The following PPIE variants were observed in gnomAD, a reference collection of about 807,000 sequenced individuals.
PPIE encodes the protein peptidyl-prolyl cis-trans isomerase E.
In PPIE, 20 loss-of-function variants were observed where a neutral mutation model predicts 38.4. That is an observed-to-expected ratio of 0.52 (90% confidence interval 0.37 to 0.76). The LOEUF is 0.76. Ranked by LOEUF, PPIE falls within the 30% of genes least tolerant of loss-of-function variation. The probability of loss-of-function intolerance (pLI) is 0.00; values close to 1 mark genes in which losing one functional copy is unlikely to be tolerated. For synonymous variants in PPIE, 142 were observed against 135.7 expected (o/e 1.05, Z -0.32); for missense variants, 322 against 385.8 (o/e 0.83, Z 1.39).
In PPIE at chr1:39,755,687, C is replaced by T; in HGVS notation, c.*2332C>T. The T allele has an allele frequency of 1.0e-6, 1 of 985,408 alleles. No homozygotes were observed. The highest frequency in any genetic ancestry group is 1.2e-6 in the Non-Finnish European group (1 of 829,932). 61.0% of individuals were successfully genotyped at this position (985,408 alleles called of 1,614,324 possible). On this transcript the variant is annotated 3_prime_UTR_variant, in exon 10 of 10. Coordinates refer to ENST00000324379, the MANE Select transcript of PPIE (RefSeq NM_006112.4). Reference sequence around the variant, plus strand: ...CTGTGACAACCTTGTCACTCTGTTCCTCCCTGATACTCTGGGGAGGTGGAG... The same window carrying T: ...CTGTGACAACCTTGTCACTCTGTTCTTCCCTGATACTCTGGGGAGGTGGAG...
Position 39,755,908 on chromosome 1 carries a change from C to A in PPIE, c.*2553C>A, listed in dbSNP as rs879226680. The A allele has an allele frequency of 6.1e-5, 60 of 985,430 alleles. No homozygotes were observed. Among genetic ancestry groups the A allele is most frequent in the East Asian group, 1.1e-4 (1 of 8,810 alleles). The allele number at this position is 985,430 out of a possible 1,614,324, so 61.0% of individuals were successfully genotyped here. A position where few individuals can be genotyped will look rare whatever the true frequency, so the allele number is the denominator to read the frequency against. On this transcript the variant is annotated 3_prime_UTR_variant, in exon 10 of 10. Transcript: ENST00000324379. ...GCAGAGCTGGGATTAGAAGCCCAGC[C>A]TGTCTCTCTTCAGTAGTAATGGAGT... is the stretch of plus-strand genomic sequence containing the variant.
intron 2 of PPIE, 57 bp from the exon 3 acceptor site, chr1:39,741,309 T>A: frequency 6.5e-7 from 1 of 1,528,168 alleles, no homozygotes; most frequent in Non-Finnish European, 9.1e-7. Flanking sequence ...GTGACCATCC[T>A]GTTTCTTCCC....
downstream of PPIE, chr1:39,758,936 G>T (rs969129986): frequency 5.3e-5 from 8 of 152,288 alleles, no homozygotes; most frequent in African/African-American, 1.9e-4. Context: ...CTCCCTGGGG[G>T]TGCAGCACGT....
Position 39,754,522 on chromosome 1 carries a change from T to C in PPIE, c.*1167T>C, listed in dbSNP as rs951762283. Among the ~76,000 whole-genome samples the C allele has an allele frequency of 8.5e-5, 13 of 152,330 alleles. No individual in the cohort carries two copies. The highest frequency in any genetic ancestry group is 8.3e-4 in the South Asian group (4 of 4,832). On this transcript the variant is annotated 3_prime_UTR_variant, in exon 10 of 10. Coordinates refer to ENST00000324379, the MANE Select transcript of PPIE (RefSeq NM_006112.4). ...GATTGGATGAGGCCTACCCACATTA[T>C]GGAGGGTAATCTGCTTTACTCTCTA...
chr1:39,741,741 G>T, intron 3 of PPIE, 154 bp from the exon 4 acceptor site: 2 of 785,520 alleles, frequency 2.5e-6, no homozygotes, highest in South Asian at 3.5e-5. Context: ...TCTAAAATCA[G>T]CCAGGAAGTG....
intron 9 of PPIE, among the ~76,000 whole-genome samples, chr1:39,763,386 C>CCCCTCCCCAGCCGGCCCTCCCCAGCTGG (rs751592521): frequency 7.3e-6 from 1 of 137,340 alleles, no homozygotes. Context: ...CACTTTGCGT[C>CCCCTCCCCAGCCGGCCCTCCCCAGCTGG]CCCTCCCCAG....
In PPIE at chr1:39,753,831, G is replaced by T. The variant is rs960730302; in HGVS notation, c.*476G>T. On this transcript the variant is annotated 3_prime_UTR_variant, in exon 10 of 10. Coordinates refer to ENST00000324379, the MANE Select transcript of PPIE (RefSeq NM_006112.4). ...CAGCTTTCATTTCCTCCCTTGGGCC[G>T]ATCCCCTTAGATGTCAGGTGATGTA... 6 of 991,368 alleles carry T rather than the reference G, an allele frequency of 6.1e-6. No homozygotes were observed. Among genetic ancestry groups the T allele is most frequent in the Admixed American group, 5.8e-5 (1 of 17,336 alleles). The allele number at this position is 991,368 out of a possible 1,614,324, so 61.4% of individuals were successfully genotyped here.
At chr1:39,762,319 G>A (rs1649103761) in intron 9 of PPIE, 1 of 589,196 alleles carries the variant, frequency 1.7e-6, no homozygotes, top group East Asian at 3.3e-5. Flanking sequence ...CGATTACAGG[G>A]TGAGCCACCG....
chr1:39,740,889 T>C (rs1447344614), intron 2 of PPIE, among the ~76,000 whole-genome samples: 2 of 152,232 alleles, frequency 1.3e-5, no homozygotes, highest in Non-Finnish European at 2.9e-5. Flanking sequence ...AAGGGCCTTC[T>C]AGTCTCTGAG....
chr1:39,740,341 A>G, intron 2 of PPIE, 78 bp downstream of exon 2: 1 of 1,144,388 alleles, frequency 8.7e-7, no homozygotes, highest in Non-Finnish European at 1.3e-6. Context: ...TCACAATTCT[A>G]AATATGCATT....
chr1:39,743,615 T>G (rs1449329761), intron 5 of PPIE, among the ~76,000 whole-genome samples: 1 of 152,182 alleles, frequency 6.6e-6, no homozygotes, highest in Admixed American at 6.5e-5. Context: ...ACCTTTGCTT[T>G]CGGCATAGCT....
chr1:39,743,143 AAGT>A, intron 4 of PPIE, 70 bp from the exon 5 acceptor site: 1 of 1,301,260 alleles, frequency 7.7e-7, no homozygotes, highest in Admixed American at 1.7e-5. Context: ...TGTGTCTCAG[AAGT>A]ATATGGAAAG....
In PPIE at chr1:39,763,416, G is replaced by A. The variant is rs2002622; in HGVS notation, c.838-273G>A. Among the ~76,000 whole-genome samples, 803 of 101,018 alleles carry A rather than the reference G, an allele frequency of 7.9e-3. 68 individuals carry two copies. The highest frequency in any genetic ancestry group is 0.02 in the African/African-American group (678 of 34,442). The allele number at this position is 101,018 out of a possible 152,430, so 66.3% of individuals were successfully genotyped here. ...CCCCAGCCGGCCCTCCCCTGCCCAC[G>A]CCTCCCAGAGCTGCAGTCGTAGCCA... On this transcript the variant is annotated intron_variant, in intron 9 of 9. Coordinates refer to the PPIE transcript ENST00000356511.
downstream of PPIE, chr1:39,760,523 G>A (rs748727101): frequency 2.0e-5 from 33 of 1,613,988 alleles, no homozygotes; most frequent in Non-Finnish European, 2.7e-5. Flanking sequence ...AGCTTGGTGG[G>A]TGCACAGCAC....
chr1:39,749,224 G>A (rs1647445847), intron 8 of PPIE, 136 bp downstream of exon 8: 2 of 883,846 alleles, frequency 2.3e-6, no homozygotes, highest in African/African-American at 1.7e-5. Context: ...AGACATAGGA[G>A]AACCATGCAG....
At chr1:39,740,492 A>G (rs920389116) in intron 2 of PPIE, among the ~76,000 whole-genome samples, 2 of 152,220 alleles carry the variant, frequency 1.3e-5, no homozygotes, top group African/African-American at 4.8e-5. Flanking sequence ...GGGTTGAGAT[A>G]AGACAGATTT....
At chr1:39,741,183 TTTA>T (rs1647048217) in intron 2 of PPIE, among the ~76,000 whole-genome samples, 180 bp from the exon 3 acceptor site, 2 of 152,274 alleles carry the variant, frequency 1.3e-5, no homozygotes, top group African/African-American at 4.8e-5. Flanking sequence ...AAAAACAAAG[TTTA>T]TTATTGCTTA....
intron 1 of PPIE, chr1:39,739,303 C>CTT (rs1189082744): frequency 4.4e-6 from 1 of 224,938 alleles, no homozygotes; most frequent in African/African-American, 2.3e-5. Flanking sequence ...GGTGCGTGAA[C>CTT]CCGAGACGGA....
At chr1:39,741,766 C>A in intron 3 of PPIE, 129 bp from the exon 4 acceptor site, 2 of 1,037,668 alleles carry the variant, frequency 1.9e-6, no homozygotes, top group Non-Finnish European at 2.9e-6. Context: ...TTGTTAGAAA[C>A]ACACAAAACC....
Sources: allele counts gnomAD v4.1 joint callset (sites outside exome capture counted in the v4.1 genomes callset), GRCh38; gene constraint gnomAD v4.1.1; transcripts MANE v1.5; gene names NCBI Gene and HGNC (gene_info 2026-07-23, HGNC 2026-07-21).